TOP2B: variants seen among roughly 807,000 people sequenced by gnomAD.
TOP2B encodes DNA topoisomerase II beta.
In TOP2B, 51 loss-of-function variants were observed where a neutral mutation model predicts 193.5. That is an observed-to-expected ratio of 0.26 (90% CI 0.21 to 0.33). The LOEUF (loss-of-function observed/expected upper bound fraction) is 0.33. Ranked by LOEUF, TOP2B falls within the 10% of genes least tolerant of loss-of-function variation. The pLI is 1.00. For missense variants in TOP2B, 1,378 were observed against 1,909.3 expected, an observed-to-expected ratio of 0.72 and a Z score of 5.19; for synonymous variants, 634 against 635.7, an observed-to-expected ratio of 1.00 and a Z score of 0.04.
intron 14 of TOP2B, 27 bp from the exon 15 acceptor site, chr3:25,628,979 GT>G: frequency 6.3e-7 from 1 of 1,582,420 alleles, no homozygotes; most frequent in Non-Finnish European, 8.6e-7. Flanking sequence ...AACAAAATTA[GT>G]TTTTCTGCTA....
intron 5 of TOP2B, 102 bp downstream of exon 5, chr3:25,638,063 C>A: frequency 1.9e-6 from 2 of 1,058,614 alleles, no homozygotes; most frequent in Non-Finnish European, 2.7e-6. Context: ...TTAATTCTGA[C>A]AATGATTTTC....
At chr3:25,603,645 G>A (rs896294440) in intron 33 of TOP2B, among the ~76,000 whole-genome samples, 1 of 152,168 alleles carries the variant, frequency 6.6e-6, no homozygotes, top group Admixed American at 6.5e-5. Context: ...TCAAGTATAA[G>A]TATTTATTTG....
chr3:25,627,464 C>A (rs1449239629), intron 15 of TOP2B, among the ~76,000 whole-genome samples, 168 bp from the exon 16 acceptor site: 3 of 152,080 alleles, frequency 2.0e-5, no homozygotes, highest in African/African-American at 7.2e-5. Context: ...TTAGATGCTT[C>A]CTGATGAAAG....
intron 11 of TOP2B, 47 bp downstream of exon 11, chr3:25,630,754 A>C (rs762159839): frequency 3.5e-6 from 5 of 1,441,616 alleles, no homozygotes; most frequent in Non-Finnish European, 4.6e-6. Context: ...GTAACTAAAT[A>C]AAAGTGAAAC....
At chr3:25,632,637 A>G in intron 9 of TOP2B, 54 bp from the exon 10 acceptor site, 1 of 1,602,118 alleles carries the variant, frequency 6.2e-7, no homozygotes, top group Non-Finnish European at 8.5e-7. Flanking sequence ...TTAGTAATTC[A>G]GTATATATAT....
chr3:25,599,568 GTGC>G (rs1702034158), intron 34 of TOP2B, 39 bp from the exon 35 acceptor site: 1 of 1,559,690 alleles, frequency 6.4e-7, no homozygotes, highest in Non-Finnish European at 8.7e-7. Context: ...CCGTGGTTAA[GTGC>G]AATATAAAAA....
chr3:25,632,432 C>T lies in TOP2B; in HGVS notation c.1266+14G>A, dbSNP rs748662212. On this transcript the variant is annotated intron_variant, in intron 10 of 35. Transcript: ENST00000264331. ...CTTAATAACAACAATAAAAAAAATA[C>T]AAGTTTTACTCACTGCTTTAAAAAA... 2.4e-5 allele frequency: 37 copies of T among 1,531,860 alleles called. 1 individual carries two copies. In the South Asian group the frequency reaches 4.3e-4, roughly 18 times the overall value. The allele number at this position is 1,531,860 out of a possible 1,614,324, so 94.9% of individuals were successfully genotyped here.
intron 34 of TOP2B, among the ~76,000 whole-genome samples, chr3:25,599,905 G>T (rs546911826): frequency 5.3e-5 from 8 of 151,976 alleles, no homozygotes; most frequent in African/African-American, 1.9e-4. Context: ...ATTTGTCATG[G>T]GCCAATACTT....
At chr3:25,614,097 C>T (rs887803908) in intron 27 of TOP2B, among the ~76,000 whole-genome samples, 4 of 151,920 alleles carry the variant, frequency 2.6e-5, no homozygotes, top group African/African-American at 9.7e-5. Context: ...ATAAATACAT[C>T]CAGAATTTAA....
Position 25,664,142 on chromosome 3 carries a change from C to G in TOP2B, c.69+87G>C, listed in dbSNP as rs1298232202. On this transcript the variant is annotated intron_variant, in intron 1 of 35. Coordinates refer to ENST00000264331, the MANE Select transcript of TOP2B (RefSeq NM_001330700.2). Reference sequence around the variant, plus strand: ...CGTTCGGGGGACGGGATTTCCCTCCCTTTCCCCTCCCCCGCCCGTTCGGAA... The same window carrying G: ...CGTTCGGGGGACGGGATTTCCCTCCGTTTCCCCTCCCCCGCCCGTTCGGAA... The G allele has an allele frequency of 1.3e-5, 20 of 1,517,052 alleles. No homozygotes were observed. In the African/African-American group the frequency reaches 2.5e-4, roughly 19 times the overall value. The allele number at this position is 1,517,052 out of a possible 1,614,324, so 94.0% of individuals were successfully genotyped here. A position where few individuals can be genotyped will look rare whatever the true frequency, so the allele number is the denominator to read the frequency against.
intron 33 of TOP2B, among the ~76,000 whole-genome samples, chr3:25,603,481 A>G (rs6786418): frequency 0.36 from 54,410 of 151,914 alleles, 10,330 homozygotes; most frequent in African/African-American, 0.49. Flanking sequence ...GACCTCAAGC[A>G]ATCTGCCTGC....
intron 6 of TOP2B, among the ~76,000 whole-genome samples, chr3:25,636,440 T>C (rs1265396346): frequency 1.3e-5 from 2 of 152,160 alleles, no homozygotes; most frequent in African/African-American, 4.8e-5. Flanking sequence ...GCATTTATAC[T>C]GTATTACATA....
At chr3:25,643,543 T>C in intron 3 of TOP2B, 151 bp downstream of exon 3, 1 of 588,276 alleles carries the variant, frequency 1.7e-6, no homozygotes, top group Non-Finnish European at 3.0e-6. Flanking sequence ...CAGATCATGG[T>C]ATAAATTTTC....
At chr3:25,652,670 T>C (rs1703624964) in intron 1 of TOP2B, among the ~76,000 whole-genome samples, 1 of 152,088 alleles carries the variant, frequency 6.6e-6, no homozygotes, top group African/African-American at 2.4e-5. Flanking sequence ...GTAATGCAGC[T>C]AAAACAGTAT....
intron 1 of TOP2B, among the ~76,000 whole-genome samples, chr3:25,652,105 G>A (rs1007963371): frequency 2.6e-5 from 4 of 152,142 alleles, no homozygotes; most frequent in African/African-American, 9.7e-5. Flanking sequence ...AGACAGAGTA[G>A]GACATTATAT....
chr3:25,602,822 C>CT (rs2125343093), intron 33 of TOP2B, among the ~76,000 whole-genome samples: 1 of 152,328 alleles, frequency 6.6e-6, no homozygotes, highest in Admixed American at 6.5e-5. Flanking sequence ...CTGCTGTAAA[C>CT]TATTGGAACT....
At chr3:25,604,667 A>G in intron 33 of TOP2B, 93 bp downstream of exon 33, 1 of 1,074,206 alleles carries the variant, frequency 9.3e-7, no homozygotes. Flanking sequence ...GTTTTATGAT[A>G]AAAAAATGCA....
At chr3:25,664,153 C>T in intron 1 of TOP2B, 76 bp downstream of exon 1, 1 of 1,527,350 alleles carries the variant, frequency 6.5e-7, no homozygotes, top group Non-Finnish European at 8.8e-7. Context: ...TTTCCCCTCC[C>T]CCGCCCGTTC....
chr3:25,627,383 T>C (rs530929875), intron 15 of TOP2B, 87 bp from the exon 16 acceptor site: 20 of 796,338 alleles, frequency 2.5e-5, no homozygotes, highest in African/African-American at 1.6e-4. Context: ...AAAGTTGTAA[T>C]AGATGGATCA....
Sources: gnomAD v4.1 joint callset for allele counts (sites outside exome capture counted in the v4.1 genomes callset) on GRCh38, gnomAD v4.1.1 for gene constraint, MANE v1.5 for transcripts, NCBI Gene and HGNC (gene_info 2026-07-23, HGNC 2026-07-21) for gene names.